ZC3H12B: variants seen among roughly 807,000 people sequenced by gnomAD.
ZC3H12B encodes zinc finger CCCH-type containing 12B.
A neutral mutation model predicts 43.9 loss-of-function variants in ZC3H12B; 7 were observed. The ratio of observed to expected loss-of-function variants is 0.16; its 90% CI spans 0.09 to 0.30. ZC3H12B has a LOEUF of 0.30. ZC3H12B is among the 10% of genes least tolerant of loss of function. The pLI, the probability that ZC3H12B is intolerant of heterozygous loss-of-function variation, is 1.00. For synonymous variants in ZC3H12B, 222 were observed against 241.7 expected (o/e 0.92, Z 0.76); for missense variants, 475 against 670.2 (o/e 0.71, Z 3.22).
intron 3 of ZC3H12B, among the ~76,000 whole-genome samples, chrX:65,433,016 G>T (rs765597677): frequency 8.9e-6 from 1 of 112,396 alleles, no homozygotes; most frequent in Non-Finnish European, 1.9e-5. Flanking sequence ...TGTATTACTG[G>T]CTTTGCCAGC....
chrX:65,263,191 A>T, the ZC3H12B span, among the ~76,000 whole-genome samples: 1 of 111,518 alleles, frequency 9.0e-6, no homozygotes, highest in African/African-American at 3.2e-5. Context: ...TCACTTGATA[A>T]ATAGTCATGC....
the ZC3H12B span, among the ~76,000 whole-genome samples, chrX:65,165,936 T>C: frequency 1.8e-5 from 2 of 112,388 alleles, no homozygotes; most frequent in Non-Finnish European, 3.8e-5. Context: ...TTTCTATTTC[T>C]CCATATTCTT....
At chrX:65,439,141 C>T (rs2067268523) in intron 3 of ZC3H12B, among the ~76,000 whole-genome samples, 1 of 112,302 alleles carries the variant, frequency 8.9e-6, no homozygotes, top group South Asian at 3.7e-4. Context: ...AATTTGTCTG[C>T]AGCTCCTTCA....
chrX:65,203,065 A>G, the ZC3H12B span, among the ~76,000 whole-genome samples: 5 of 111,095 alleles, frequency 4.5e-5, no homozygotes, highest in East Asian at 1.4e-3. Flanking sequence ...GCCAATGTTC[A>G]CTCAAGGCCC....
intron 3 of ZC3H12B, among the ~76,000 whole-genome samples, chrX:65,465,603 G>A (rs2067807301): frequency 9.1e-6 from 1 of 110,470 alleles, no homozygotes. Context: ...TACATTGAAG[G>A]TAATTACTGA....
the ZC3H12B span, chrX:65,330,910 GTTT>G: frequency 4.1e-6 from 1 of 244,638 alleles, no homozygotes; most frequent in Non-Finnish European, 8.1e-6. Flanking sequence ...TTCTTTTGTT[GTTT>G]TCACTTCAAC....
At chrX:65,378,070 G>A (rs192892158) in intron 2 of ZC3H12B, among the ~76,000 whole-genome samples, 6 of 109,983 alleles carry the variant, frequency 5.5e-5, no homozygotes, top group Middle Eastern at 4.7e-3. Context: ...CTGCACTCCC[G>A]CCTGGGTGAC....
the ZC3H12B span, among the ~76,000 whole-genome samples, chrX:65,052,421 TTTTA>T: frequency 9.0e-6 from 1 of 111,085 alleles, no homozygotes; most frequent in Non-Finnish European, 1.9e-5. Flanking sequence ...TCTTCGTTCT[TTTTA>T]TTTTTTTTTG....
At chrX:65,420,088 C>A (rs1290259183) in intron 3 of ZC3H12B, among the ~76,000 whole-genome samples, 1 of 112,138 alleles carries the variant, frequency 8.9e-6, no homozygotes. Context: ...TAGACTCAGT[C>A]TTCAAGCTCA....
the ZC3H12B span, among the ~76,000 whole-genome samples, chrX:65,216,060 G>T: frequency 1.8e-5 from 2 of 110,968 alleles, no homozygotes; most frequent in Admixed American, 1.9e-4. Context: ...CAAGAAGAAG[G>T]CAGAGCAGCA....
chrX:65,239,092 C>A, the ZC3H12B span, among the ~76,000 whole-genome samples: 2 of 111,020 alleles, frequency 1.8e-5, no homozygotes, highest in African/African-American at 3.3e-5. Flanking sequence ...GTAGATGGTT[C>A]TGCTTGATCC....
At chrX:65,364,572 TC>T (rs1330980986), upstream of ZC3H12B, among the ~76,000 whole-genome samples, 2 of 81,995 alleles carry the variant, frequency 2.4e-5, no homozygotes, top group Non-Finnish European at 3.8e-5. Context: ...ACCGGTCACT[TC>T]CACCTATCAG....
intron 3 of ZC3H12B, among the ~76,000 whole-genome samples, chrX:65,406,592 C>CGGGGATGGGCGGGGCTGGGCGGGGA (rs1569396807): frequency 4.5e-5 from 1 of 22,161 alleles, no homozygotes; most frequent in African/African-American, 9.9e-5. Flanking sequence ...CTGGGCGGGG[C>CGGGGATGGGCGGGGCTGGGCGGGGA]TGGGCGGGGC....
At chrX:65,121,490 G>C in the ZC3H12B span, among the ~76,000 whole-genome samples, 1 of 111,269 alleles carries the variant, frequency 9.0e-6, no homozygotes, top group Non-Finnish European at 1.9e-5. Context: ...TGGGATCGGT[G>C]GTGATATCCA....
the ZC3H12B span, among the ~76,000 whole-genome samples, chrX:65,170,864 TA>T: frequency 8.9e-6 from 1 of 112,247 alleles, no homozygotes; most frequent in African/African-American, 3.2e-5. Flanking sequence ...CTAGTTCTCG[TA>T]CCATGGTTTT....
the ZC3H12B span, among the ~76,000 whole-genome samples, chrX:65,097,562 C>T: frequency 3.6e-5 from 4 of 111,761 alleles, no homozygotes; most frequent in South Asian, 1.5e-3. Flanking sequence ...TGTAATGTAT[C>T]TGGTCCTGGA....
At chrX:65,193,345 T>C in the ZC3H12B span, among the ~76,000 whole-genome samples, 1 of 111,424 alleles carries the variant, frequency 9.0e-6, no homozygotes, top group Admixed American at 9.6e-5. Flanking sequence ...AGTTTTGAAT[T>C]TTTTCATGGT....
the ZC3H12B span, among the ~76,000 whole-genome samples, chrX:65,132,103 G>A: frequency 1.9e-3 from 210 of 111,181 alleles, no homozygotes; most frequent in African/African-American, 6.5e-3. Context: ...TGGGATGAGG[G>A]GTGTAGGGGA....
chrX:65,258,626 T>C, the ZC3H12B span, among the ~76,000 whole-genome samples: 1 of 111,474 alleles, frequency 9.0e-6, no homozygotes, highest in African/African-American at 3.3e-5. Flanking sequence ...GAAGTCAAAC[T>C]ATTTCTGCTT....
Sources: allele counts gnomAD v4.1 joint callset (sites outside exome capture counted in the v4.1 genomes callset), GRCh38; gene constraint gnomAD v4.1.1; transcripts MANE v1.5; gene names NCBI Gene and HGNC (gene_info 2026-07-23, HGNC 2026-07-21).